The following ASTN2 variants were observed in gnomAD, a reference collection of about 807,000 sequenced individuals.
The protein encoded by ASTN2 is astrotactin-2.
A neutral mutation model predicts 139.8 loss-of-function variants in ASTN2; 54 were observed. The observed-to-expected ratio is 0.39, with a 90% CI of 0.31 to 0.48. The LOEUF is 0.48. ASTN2 is among the 20% of genes least tolerant of loss of function. The pLI, the probability that ASTN2 is intolerant of heterozygous loss-of-function variation, is 0.95. For missense variants in ASTN2, 1,565 were observed against 1,725.1 expected (o/e 0.91, Z 1.64); for synonymous variants, 756 against 719.5 (o/e 1.05, Z -0.81).
At chr9:117,376,578 T>G (rs1448374915) in intron 1 of ASTN2, among the ~76,000 whole-genome samples, 3 of 152,070 alleles carry the variant, frequency 2.0e-5, no homozygotes, top group East Asian at 3.9e-4. Context: ...AAGGCAAAAT[T>G]TTTCCTTCTC....
intron 3 of ASTN2, among the ~76,000 whole-genome samples, chr9:117,143,091 G>T (rs938302210): frequency 2.0e-5 from 3 of 152,152 alleles, no homozygotes; most frequent in Non-Finnish European, 4.4e-5. Context: ...AGACCTAGAG[G>T]GCTTGTTCTG....
At chr9:117,027,314 C>T (rs920780391) in intron 6 of ASTN2, among the ~76,000 whole-genome samples, 7 of 152,260 alleles carry the variant, frequency 4.6e-5, no homozygotes, top group Non-Finnish European at 7.4e-5. Flanking sequence ...TAACAAGCTG[C>T]CTTGCCCTTT....
intron 14 of ASTN2, among the ~76,000 whole-genome samples, chr9:116,729,580 A>G (rs904810938): frequency 6.6e-6 from 1 of 152,220 alleles, no homozygotes; most frequent in African/African-American, 2.4e-5. Flanking sequence ...TATTTTCTGT[A>G]GCTGCTTTCA....
intron 4 of ASTN2, among the ~76,000 whole-genome samples, chr9:117,122,292 T>C (rs1449302871): frequency 6.6e-6 from 1 of 152,032 alleles, no homozygotes; most frequent in Non-Finnish European, 1.5e-5. Context: ...TGTGGTAGAG[T>C]ATGACTCTCA....
At chr9:117,257,350 C>T (rs374755386) in intron 2 of ASTN2, among the ~76,000 whole-genome samples, 2 of 152,176 alleles carry the variant, frequency 1.3e-5, no homozygotes, top group African/African-American at 2.4e-5. Flanking sequence ...CATGATCCAG[C>T]GCTAGAGATG....
rs564328454 is a variant in ASTN2, at chr9:116,763,056, T to C, written c.2397-29533A>G. Among the ~76,000 whole-genome samples, 7 of 152,334 alleles carry C rather than the reference T, an allele frequency of 4.6e-5. No homozygotes were observed. In the South Asian group the frequency reaches 8.3e-4, roughly 18 times the overall value. The stretch of plus-strand genomic sequence containing the variant: ...ATTCCAATGTCTGTTCTCTTTTTAC[T>C]GCACCATGATGCTCTCATAAGAGGC... On this transcript the variant is annotated intron_variant, in intron 13 of 22. Transcript: ENST00000313400.
At chr9:116,949,912 T>C (rs1835509424) in intron 10 of ASTN2, among the ~76,000 whole-genome samples, 1 of 152,196 alleles carries the variant, frequency 6.6e-6, no homozygotes, top group East Asian at 1.9e-4. Context: ...GGCAACTGTA[T>C]GAAACACACT....
intron 6 of ASTN2, among the ~76,000 whole-genome samples, chr9:117,031,626 G>A (rs932890926): frequency 2.0e-5 from 3 of 152,096 alleles, no homozygotes; most frequent in Non-Finnish European, 2.9e-5. Context: ...AAAAAAAGCA[G>A]GGCTCAAGGA....
intron 16 of ASTN2, among the ~76,000 whole-genome samples, chr9:116,682,586 C>T (rs1266521395): frequency 6.6e-6 from 1 of 152,124 alleles, no homozygotes; most frequent in African/African-American, 2.4e-5. Flanking sequence ...CGTATGTTTA[C>T]TGTGGCACTA....
chr9:117,240,898 T>C (rs1833186353), intron 2 of ASTN2, among the ~76,000 whole-genome samples: 2 of 152,204 alleles, frequency 1.3e-5, no homozygotes, highest in African/African-American at 4.8e-5. Context: ...ACTCATTTTC[T>C]GCATATTTTG....
chr9:116,837,894 G>A (rs978909516), intron 11 of ASTN2, among the ~76,000 whole-genome samples: 1 of 152,198 alleles, frequency 6.6e-6, no homozygotes, highest in Non-Finnish European at 1.5e-5. Flanking sequence ...TAAAGGAACA[G>A]CACTAGTCTT....
chr9:117,256,469 A>G (rs1383287482), intron 2 of ASTN2, among the ~76,000 whole-genome samples: 4 of 152,188 alleles, frequency 2.6e-5, no homozygotes, highest in Non-Finnish European at 4.4e-5. Flanking sequence ...TAAGGTTCCC[A>G]TCTTAAAGGT....
chr9:117,141,559 G>A (rs1357938154), intron 3 of ASTN2, 81 bp from the exon 4 acceptor site: 12 of 1,250,408 alleles, frequency 9.6e-6, no homozygotes, highest in Non-Finnish European at 1.1e-5. Context: ...GTTAGGGCTT[G>A]AGCCCACCTT....
intron 10 of ASTN2, among the ~76,000 whole-genome samples, chr9:116,916,771 G>A (rs12340236): frequency 8.5e-5 from 13 of 152,226 alleles, no homozygotes; most frequent in Admixed American, 2.0e-4. Context: ...GGCAGAGGTC[G>A]CAGTGAGCCA....
chr9:117,348,945 T>C (rs1213981613), intron 1 of ASTN2, among the ~76,000 whole-genome samples: 1 of 150,546 alleles, frequency 6.6e-6, no homozygotes, highest in East Asian at 2.0e-4. Context: ...CTCTGCCCCA[T>C]TAACTTGGAA....
chr9:117,307,354 A>C (rs957318546), intron 1 of ASTN2, among the ~76,000 whole-genome samples: 1 of 152,224 alleles, frequency 6.6e-6, no homozygotes, highest in Non-Finnish European at 1.5e-5. Context: ...AAGGTTTTGC[A>C]TGTAAAACCT....
At chr9:117,030,266 C>T (rs1337584472) in intron 6 of ASTN2, among the ~76,000 whole-genome samples, 1 of 152,164 alleles carries the variant, frequency 6.6e-6, no homozygotes, top group Non-Finnish European at 1.5e-5. Context: ...CATCAAAGCT[C>T]CCACCCAGCA....
Position 117,407,093 on chromosome 9 carries a change from A to G in ASTN2, c.442+7404T>C, listed in dbSNP as rs560058271. On this transcript the variant is annotated intron_variant, in intron 1 of 22. Coordinates refer to ENST00000313400, the MANE Select transcript of ASTN2 (RefSeq NM_001365068.1). ...TGTTCAACTCTGGTGCAGAGGGGTC[A>G]GAAAAGGCTTCAAAAATAAGTTGAC... is the stretch of plus-strand genomic sequence containing the variant. 2.2e-3 allele frequency among the ~76,000 whole-genome samples: 334 copies of G among 152,338 alleles called. 1 individual carries two copies. The South Asian group carries it at 0.024, about 11-fold the overall frequency.
At chr9:116,941,109 G>C (rs1299985838) in intron 10 of ASTN2, among the ~76,000 whole-genome samples, 1 of 152,088 alleles carries the variant, frequency 6.6e-6, no homozygotes, top group Non-Finnish European at 1.5e-5. Context: ...CAAATTGCCA[G>C]ACAATGCATT....
Sources: allele counts gnomAD v4.1 joint callset (sites outside exome capture counted in the v4.1 genomes callset), GRCh38; gene constraint gnomAD v4.1.1; transcripts MANE v1.5; gene names NCBI Gene and HGNC (gene_info 2026-07-23, HGNC 2026-07-21).